Variants in CRPPA observed in about 807,000 individuals in gnomAD.
CRPPA encodes CDP-L-ribitol pyrophosphorylase A.
CRPPA carries 43 observed loss-of-function variants against 52.0 expected under a neutral mutation model. The ratio of observed to expected loss-of-function variants is 0.83; its 90% CI spans 0.65 to 1.07. The LOEUF (loss-of-function observed/expected upper bound fraction) is 1.07. Ranked by LOEUF, CRPPA falls within the 50% of genes least tolerant of loss-of-function variation. The probability of loss-of-function intolerance (pLI) is 0.00; values close to 1 mark genes in which losing one functional copy is unlikely to be tolerated. For synonymous variants in CRPPA, 250 were observed against 203.5 expected (o/e 1.23, Z -1.94); for missense variants, 629 against 551.7 (o/e 1.14, Z -1.40).
At chr7:16,393,595 T>C (rs1489705042) in intron 2 of CRPPA, among the ~76,000 whole-genome samples, 2 of 152,146 alleles carry the variant, frequency 1.3e-5, no homozygotes, top group Non-Finnish European at 2.9e-5. Flanking sequence ...GAGATATCCA[T>C]GTAAAATTCA....
At chr7:16,365,035 G>A (rs550291396) in intron 3 of CRPPA, among the ~76,000 whole-genome samples, 1 of 152,242 alleles carries the variant, frequency 6.6e-6, no homozygotes, top group South Asian at 2.1e-4. Flanking sequence ...GATTCCCTTG[G>A]TCTCATCTGT....
intron 9 of CRPPA, among the ~76,000 whole-genome samples, chr7:16,183,768 G>A (rs1201592616): frequency 6.6e-6 from 1 of 152,078 alleles, no homozygotes; most frequent in African/African-American, 2.4e-5. Flanking sequence ...AACAGAGAAT[G>A]CTCAAAGGAA....
intron 9 of CRPPA, among the ~76,000 whole-genome samples, chr7:16,098,629 T>C (rs1781978688): frequency 6.6e-6 from 1 of 152,232 alleles, no homozygotes; most frequent in African/African-American, 2.4e-5. Flanking sequence ...ATATACAATA[T>C]ACAAAAACCA....
In CRPPA at chr7:16,091,424, T is replaced by C. The variant is rs998734023; in HGVS notation, c.*271A>G. On this transcript the variant is annotated 3_prime_UTR_variant, in exon 10 of 10. Transcript: ENST00000407010. ...ATTTCTATTTGACCGTTCATGTCTC[T>C]GTGGAAAGATTCATTTGAAGGCTAT... The C allele has an allele frequency of 2.7e-5, 8 of 299,590 alleles. No homozygotes were observed. Among genetic ancestry groups the C allele is most frequent in the Non-Finnish European group, 4.9e-5 (8 of 164,446 alleles). The allele number at this position is 299,590 out of a possible 1,614,324, so 18.6% of individuals were successfully genotyped here. A position where few individuals can be genotyped will look rare whatever the true frequency, so the allele number is the denominator to read the frequency against.
At chr7:16,192,669 C>A (rs1562549206) in intron 9 of CRPPA, among the ~76,000 whole-genome samples, 1 of 152,050 alleles carries the variant, frequency 6.6e-6, no homozygotes, top group Non-Finnish European at 1.5e-5. Context: ...TGAGATTCAA[C>A]TTTGTTGTCG....
At chr7:16,178,374 C>A (rs1781347269) in intron 9 of CRPPA, among the ~76,000 whole-genome samples, 1 of 151,958 alleles carries the variant, frequency 6.6e-6, no homozygotes, top group African/African-American at 2.4e-5. Context: ...AGCAGAACTT[C>A]TAAAGATTTA....
chr7:16,336,043 T>C (rs902248350), intron 3 of CRPPA, among the ~76,000 whole-genome samples: 13 of 152,106 alleles, frequency 8.5e-5, no homozygotes, highest in Admixed American at 8.5e-4. Flanking sequence ...GAAAGATAAT[T>C]AAAAATTTTC....
intron 9 of CRPPA, among the ~76,000 whole-genome samples, chr7:16,194,853 T>TC (rs1371358690): frequency 6.6e-6 from 1 of 151,246 alleles, no homozygotes; most frequent in Non-Finnish European, 1.5e-5. Flanking sequence ...TTTTGGTTTT[T>TC]TTTTTTCTCT....
At chr7:16,213,138 G>C (rs1583433712) in intron 9 of CRPPA, among the ~76,000 whole-genome samples, 1 of 152,100 alleles carries the variant, frequency 6.6e-6, no homozygotes, top group South Asian at 2.1e-4. Context: ...CTATTGGCTT[G>C]AACTATTCAT....
intron 3 of CRPPA, among the ~76,000 whole-genome samples, chr7:16,353,749 C>T (rs1192431845): frequency 6.6e-6 from 1 of 151,962 alleles, no homozygotes; most frequent in Non-Finnish European, 1.5e-5. Context: ...ACTCAGGAGG[C>T]TGAGGCAGGA....
rs189118728 is a variant in CRPPA, at chr7:16,243,903, G to A, written c.1119+14487C>T. Among the ~76,000 whole-genome samples, 5 of 152,190 alleles carry A rather than the reference G, an allele frequency of 3.3e-5. No individual in the cohort carries two copies. In the East Asian group the frequency reaches 9.7e-4, roughly 29 times the overall value. ...GATCACTTGAGCCTGGGAGATGGAGGCTTCATTGAGCTATGATCACAGTAT... is the reference window on the plus strand; with the variant it reads ...GATCACTTGAGCCTGGGAGATGGAGACTTCATTGAGCTATGATCACAGTAT... On this transcript the variant is annotated intron_variant, in intron 8 of 9. Transcript: ENST00000407010.
At chr7:16,174,942 T>C (rs1016777135) in intron 9 of CRPPA, among the ~76,000 whole-genome samples, 1 of 152,172 alleles carries the variant, frequency 6.6e-6, no homozygotes, top group Admixed American at 6.5e-5. Context: ...TTTCCACACA[T>C]TATTTTCACC....
Position 16,219,106 on chromosome 7 carries a change from T to C in CRPPA, c.1120-2909A>G, listed in dbSNP as rs374137749. On this transcript the variant is annotated intron_variant, in intron 8 of 9. Coordinates refer to ENST00000407010, the MANE Select transcript of CRPPA (RefSeq NM_001101426.4). ...TAACGAATTATCTCTCAGACCACAG[T>C]GCAATCAAACTAGAACTCAGGATTA... 1.4e-3 allele frequency among the ~76,000 whole-genome samples: 219 copies of C among 152,232 alleles called. 1 individual carries two copies. The highest frequency in any genetic ancestry group is 0.014 in the Middle Eastern group (4 of 294).
chr7:16,254,401 T>C (rs192323938), intron 8 of CRPPA, among the ~76,000 whole-genome samples: 3 of 152,228 alleles, frequency 2.0e-5, no homozygotes, highest in Non-Finnish European at 2.9e-5. Context: ...TGGAATACTA[T>C]GCAGCCATAA....
chr7:16,377,840 A>C (rs1179386539), intron 2 of CRPPA, among the ~76,000 whole-genome samples: 1 of 152,160 alleles, frequency 6.6e-6, no homozygotes, highest in African/African-American at 2.4e-5. Flanking sequence ...CACAGAGGCT[A>C]AAATCTATGC....
At chr7:16,186,485 A>T (rs189760112) in intron 9 of CRPPA, among the ~76,000 whole-genome samples, 1 of 152,328 alleles carries the variant, frequency 6.6e-6, no homozygotes, top group Admixed American at 6.5e-5. Flanking sequence ...ACTGTGAAAG[A>T]TAATTTTCTG....
At chr7:16,344,567 T>C (rs1785958344) in intron 3 of CRPPA, among the ~76,000 whole-genome samples, 1 of 152,084 alleles carries the variant, frequency 6.6e-6, no homozygotes, top group Non-Finnish European at 1.5e-5. Context: ...AGAATGAGCC[T>C]ATTTATGGTA....
intron 8 of CRPPA, among the ~76,000 whole-genome samples, chr7:16,249,239 T>C (rs763292049): frequency 6.6e-6 from 1 of 152,098 alleles, no homozygotes; most frequent in Non-Finnish European, 1.5e-5. Flanking sequence ...CAGGGGCTTA[T>C]AGATAAAACC....
chr7:16,180,898 C>T (rs1438084426), intron 9 of CRPPA, among the ~76,000 whole-genome samples: 1 of 151,974 alleles, frequency 6.6e-6, no homozygotes, highest in Non-Finnish European at 1.5e-5. Context: ...GAACTTGCAT[C>T]TCCAAACTGC....
Sources: gnomAD v4.1 joint callset for allele counts (sites outside exome capture counted in the v4.1 genomes callset) on GRCh38, gnomAD v4.1.1 for gene constraint, MANE v1.5 for transcripts, NCBI Gene and HGNC (gene_info 2026-07-23, HGNC 2026-07-21) for gene names.